Variants in SH3PXD2B observed in about 807,000 individuals in gnomAD.
SH3PXD2B encodes SH3 and PX domain-containing protein 2B.
A neutral mutation model predicts 73.1 loss-of-function variants in SH3PXD2B; 37 were observed. The ratio of observed to expected loss-of-function variants is 0.51; its 90% CI spans 0.39 to 0.67. SH3PXD2B has a LOEUF of 0.67. Among genes scored for constraint, SH3PXD2B ranks in the 30% least tolerant of loss-of-function variants. The pLI, the probability that SH3PXD2B is intolerant of heterozygous loss-of-function variation, is 0.00. For missense variants in SH3PXD2B, 1,053 were observed against 1,197.8 expected (o/e 0.88, Z 1.78); for synonymous variants, 457 against 480.5 (o/e 0.95, Z 0.64).
At chr5:172,393,425 A>T (rs1227875142) in intron 4 of SH3PXD2B, among the ~76,000 whole-genome samples, 1 of 152,138 alleles carries the variant, frequency 6.6e-6, no homozygotes, top group Non-Finnish European at 1.5e-5. Flanking sequence ...TACTAAACTC[A>T]TTGATTTGTC....
intron 1 of SH3PXD2B, among the ~76,000 whole-genome samples, chr5:172,450,845 C>T (rs911290013): frequency 8.5e-5 from 13 of 152,296 alleles, no homozygotes; most frequent in South Asian, 2.1e-4. Flanking sequence ...CCCAAGCCCT[C>T]GGGCTCTAGT....
intron 2 of SH3PXD2B, among the ~76,000 whole-genome samples, chr5:172,411,536 T>C (rs10053188): frequency 0.41 from 62,607 of 151,960 alleles, 13,845 homozygotes; most frequent in East Asian, 0.67. Context: ...CCAACAGCCC[T>C]GGGGTTCAAT....
At chr5:172,419,856 A>T (rs1265706576) in intron 2 of SH3PXD2B, among the ~76,000 whole-genome samples, 5 of 152,234 alleles carry the variant, frequency 3.3e-5, no homozygotes, top group African/African-American at 1.2e-4. Flanking sequence ...TCTGAAAGCA[A>T]AATACAGGTA....
At chr5:172,420,263 G>A (rs1348394351) in intron 2 of SH3PXD2B, among the ~76,000 whole-genome samples, 1 of 152,206 alleles carries the variant, frequency 6.6e-6, no homozygotes, top group East Asian at 1.9e-4. Flanking sequence ...TTATGATACT[G>A]TTTGATATTA....
chr5:172,382,659 C>G (rs1757975796), intron 4 of SH3PXD2B, among the ~76,000 whole-genome samples: 1 of 152,088 alleles, frequency 6.6e-6, no homozygotes, highest in South Asian at 2.1e-4. Context: ...TCAGACCATA[C>G]TGTACATGCT....
At position 172,334,145 on chromosome 5, in the gene SH3PXD2B, T is replaced by C. The variant is rs1325744199; in HGVS notation, c.*4224A>G. The C allele has an allele frequency of 8.9e-7, 1 of 1,118,066 alleles. No homozygotes were observed. The highest frequency in any genetic ancestry group is 1.7e-5 in the African/African-American group (1 of 58,644). 69.3% of individuals were successfully genotyped at this position (1,118,066 alleles called of 1,614,324 possible). A position where few individuals can be genotyped will look rare whatever the true frequency, so the allele number is the denominator to read the frequency against. On this transcript the variant is annotated 3_prime_UTR_variant, in exon 13 of 13. Coordinates refer to ENST00000311601, the MANE Select transcript of SH3PXD2B (RefSeq NM_001017995.3). ...GGAGTCGAGGATAGAAACGGGAAGATGGAATGTTGAAACATGAGGAGGAGC... is the reference window on the plus strand; with the variant it reads ...GGAGTCGAGGATAGAAACGGGAAGACGGAATGTTGAAACATGAGGAGGAGC...
At chr5:172,418,020 A>G (rs115738529) in intron 2 of SH3PXD2B, among the ~76,000 whole-genome samples, 1,837 of 152,280 alleles carry the variant, frequency 0.012, 38 homozygotes, top group African/African-American at 0.042. Flanking sequence ...TTGGACACAG[A>G]TAAGTTTTAA....
intron 3 of SH3PXD2B, among the ~76,000 whole-genome samples, chr5:172,399,510 T>A (rs1213437458): frequency 6.6e-6 from 1 of 152,174 alleles, no homozygotes; most frequent in African/African-American, 2.4e-5. Context: ...GGAAAAGACG[T>A]CCGCGTCAGA....
At position 172,334,858 on chromosome 5, in the gene SH3PXD2B, A is replaced by G. The variant is rs1010035893; in HGVS notation, c.*3511T>C. ...TATGTTCCCCCATCTTCCACCTGGT[A>G]ATGAAATCCTCAGTGGGCGCAAACA... On this transcript the variant is annotated 3_prime_UTR_variant, in exon 13 of 13. Transcript: ENST00000311601. The G allele has an allele frequency of 5.1e-6, 5 of 985,324 alleles. No homozygotes were observed. The highest frequency in any genetic ancestry group is 6.0e-6 in the Non-Finnish European group (5 of 829,956). The allele number at this position is 985,324 out of a possible 1,614,324, so 61.0% of individuals were successfully genotyped here.
chr5:172,382,681 C>G (rs1202603024), intron 4 of SH3PXD2B, among the ~76,000 whole-genome samples: 1 of 152,000 alleles, frequency 6.6e-6, no homozygotes, highest in Non-Finnish European at 1.5e-5. Context: ...TTTAGTAAAC[C>G]TATGCTTTCA....
rs79051583 is a variant in SH3PXD2B at position 172,349,796 on chromosome 5, C to T, written c.1012+567G>A. Among the ~76,000 whole-genome samples the T allele has an allele frequency of 5.5e-3, 845 of 152,280 alleles. 11 individuals carry two copies. The highest frequency in any genetic ancestry group is 0.019 in the African/African-American group (810 of 41,552). On this transcript the variant is annotated intron_variant, in intron 10 of 12. Transcript: ENST00000311601. ...GCTTGAAAAAGAGTAGCCAGTGTGA[C>T]CACTGTGAGATAGCAGAAAGAATGC...
At chr5:172,346,380 G>T (rs1756999822) in intron 11 of SH3PXD2B, 119 bp from the exon 12 acceptor site, 2 of 1,500,298 alleles carry the variant, frequency 1.3e-6, no homozygotes, top group Non-Finnish European at 1.8e-6. Flanking sequence ...TGGGGACCTA[G>T]TTGGATTCTA....
intron 5 of SH3PXD2B, among the ~76,000 whole-genome samples, chr5:172,374,104 T>C (rs139002976): frequency 1.3e-5 from 2 of 152,208 alleles, no homozygotes; most frequent in East Asian, 1.9e-4. Context: ...AGTTTGAAAA[T>C]AGGAGTTAGG....
At chr5:172,378,113 C>T (rs1581289596) in intron 5 of SH3PXD2B, among the ~76,000 whole-genome samples, 1 of 152,208 alleles carries the variant, frequency 6.6e-6, no homozygotes, top group Non-Finnish European at 1.5e-5. Flanking sequence ...CACCTCCTCT[C>T]GAGGGCTGGC....
intron 5 of SH3PXD2B, among the ~76,000 whole-genome samples, chr5:172,376,512 A>G (rs1293732979): frequency 1.3e-5 from 2 of 152,196 alleles, no homozygotes; most frequent in African/African-American, 4.8e-5. Flanking sequence ...TTTAACCACC[A>G]TGTAATAATG....
At position 172,339,587 on chromosome 5, in the gene SH3PXD2B, T is replaced by C. The variant is rs1192066278; in HGVS notation, c.1518A>G (p.Ala506=). Residue 506 remains alanine (A), a synonymous_variant, in exon 13 of 13, where the codon GCA becomes GCG. Transcript: ENST00000311601. The surrounding 1 kb of genome is among the most constrained non-coding windows in gnomAD (Gnocchi z 6.1). ...CGGGGTCTGAGATCTCCTCGTAGCCTGCTGACGCAGACATGTCTGAAGATG... is the reference window on the plus strand; with the variant it reads ...CGGGGTCTGAGATCTCCTCGTAGCCCGCTGACGCAGACATGTCTGAAGATG... ...RKASSDMSAS[A]GYEEISDPDM... 1 of 1,614,154 alleles carries C rather than the reference T, an allele frequency of 6.2e-7. No homozygotes were observed. Among genetic ancestry groups the C allele is most frequent in the Non-Finnish European group, 8.5e-7 (1 of 1,180,064 alleles).
intron 1 of SH3PXD2B, among the ~76,000 whole-genome samples, chr5:172,449,327 T>A (rs1759743359): frequency 6.6e-6 from 1 of 152,162 alleles, no homozygotes; most frequent in African/African-American, 2.4e-5. Context: ...CCAAGGTCAG[T>A]CAGCTCCGTG....
intron 8 of SH3PXD2B, among the ~76,000 whole-genome samples, chr5:172,355,613 CCA>C (rs1757254934): frequency 6.6e-6 from 1 of 151,316 alleles, no homozygotes; most frequent in African/African-American, 2.4e-5. Flanking sequence ...GGCGCGATCT[CCA>C]CTCACTGCAA....
chr5:172,423,153 T>C (rs1431325570), intron 1 of SH3PXD2B, among the ~76,000 whole-genome samples: 11 of 152,044 alleles, frequency 7.2e-5, no homozygotes, highest in Non-Finnish European at 1.5e-4. Flanking sequence ...AAACAATACA[T>C]TGATAACAAG....
Sources: gnomAD v4.1 joint callset for allele counts (sites outside exome capture counted in the v4.1 genomes callset) on GRCh38, gnomAD v4.1.1 for gene constraint, Gnocchi (gnomAD v3.1) non-coding constraint, MANE v1.5 for transcripts, NCBI Gene and HGNC (gene_info 2026-07-23, HGNC 2026-07-21) for gene names.